LBP: variants seen among roughly 807,000 people sequenced by gnomAD.
LBP encodes lipopolysaccharide binding protein, also known as lipopolysaccharide-binding protein.
Under a neutral mutation model 56.6 loss-of-function variants are expected in LBP, and 53 were observed. The observed-to-expected ratio is 0.94, with a 90% CI of 0.75 to 1.18. LBP has a LOEUF of 1.18. Ranked by LOEUF, LBP falls within the 50% of genes most tolerant of loss-of-function variation. The pLI is 0.00. For missense variants in LBP, 601 were observed against 598.3 expected, an observed-to-expected ratio of 1.00 and a Z score of -0.05; for synonymous variants, 227 against 247.5, an observed-to-expected ratio of 0.92 and a Z score of 0.78.
rs186778434 is a variant in LBP, at chr20:38,353,785, C to T, written c.369-499C>T. Reference sequence around the variant, plus strand: ...GAATCTGATAGGCGAGAACTGGTGTCATTGTTATTTTCATTTTTAATGACT... The same window carrying T: ...GAATCTGATAGGCGAGAACTGGTGTTATTGTTATTTTCATTTTTAATGACT... On this transcript the variant is annotated intron_variant, in intron 3 of 14. Coordinates refer to ENST00000217407, the MANE Select transcript of LBP (RefSeq NM_004139.5). Among the ~76,000 whole-genome samples the T allele has an allele frequency of 2.0e-4, 31 of 152,184 alleles. 2 individuals carry two copies. The East Asian group carries it at 2.5e-3, about 12-fold the overall frequency.
intron 5 of LBP, among the ~76,000 whole-genome samples, chr20:38,356,436 A>ACG (rs2076840853): frequency 7.1e-6 from 1 of 140,988 alleles, no homozygotes; most frequent in Non-Finnish European, 1.5e-5. Context: ...ACACACACAC[A>ACG]CACACACACA....
At chr20:38,348,888 G>T (rs2076810809) in intron 1 of LBP, among the ~76,000 whole-genome samples, 1 of 152,000 alleles carries the variant, frequency 6.6e-6, no homozygotes, top group African/African-American at 2.4e-5. Context: ...CTGCCTCCCG[G>T]GTTCAAGTGA....
intron 3 of LBP, among the ~76,000 whole-genome samples, chr20:38,352,361 C>T (rs1474446168): frequency 6.6e-6 from 1 of 152,190 alleles, no homozygotes; most frequent in East Asian, 1.9e-4. Flanking sequence ...CCAGCCATGC[C>T]TTTACTGAGT....
intron 7 of LBP, 79 bp from the exon 8 acceptor site, chr20:38,364,497 G>T: frequency 7.3e-7 from 1 of 1,362,130 alleles, no homozygotes; most frequent in Non-Finnish European, 1.0e-6. Flanking sequence ...TCCCTTCATC[G>T]GACTGTGTAG....
chr20:38,374,757 T>C (rs927023194), intron 14 of LBP, among the ~76,000 whole-genome samples: 21 of 151,080 alleles, frequency 1.4e-4, no homozygotes, highest in African/African-American at 4.9e-4. Context: ...TGCCTCCCCA[T>C]TTAAACAAGT....
chr20:38,376,653 A>G lies in LBP; in HGVS notation c.1430A>G (p.Gln477Arg), dbSNP rs748723163. The change falls in exon 15 of 15, where the codon CAA becomes CGA. Residue 477 changes from glutamine to arginine, a missense_variant. Transcript: ENST00000217407. ...KDFLFLGANV[Q>R]YMRV ...TTCCTGTTCTTGGGTGCCAATGTCC[A>G]ATACATGAGAGTTTGAGGACAAGAA... 5 of 1,614,094 alleles carry G rather than the reference A, an allele frequency of 3.1e-6. No individual in the cohort carries two copies. The South Asian group carries it at 5.5e-5, about 18-fold the overall frequency.
At chr20:38,358,051 C>T (rs1158456155) in intron 5 of LBP, among the ~76,000 whole-genome samples, 1 of 152,156 alleles carries the variant, frequency 6.6e-6, no homozygotes, top group African/African-American at 2.4e-5. Context: ...CTTGTGATAC[C>T]AGTCCTGCTG....
rs1278184376 is a variant in LBP at position 38,376,641 on chromosome 20, G to A, written c.1418G>A (p.Gly473Asp). The A allele has an allele frequency of 1.2e-6, 2 of 1,614,014 alleles. No homozygotes were observed. The highest frequency in any genetic ancestry group is 2.2e-5 in the East Asian group (1 of 44,888). ...TTTTCCTAGGACTTCCTGTTCTTGG[G>A]TGCCAATGTCCAATACATGAGAGTT... ...LQIHKDFLFL[G>D]ANVQYMRV The change falls in exon 15 of 15, where the codon GGT (glycine) becomes GAT (aspartate). Residue 473 changes from glycine to aspartate, a missense_variant. Physicochemically the swap from Gly to Asp is moderately conservative, Grantham distance 94. Transcript: ENST00000217407.
At position 38,366,500 on chromosome 20, in the gene LBP, A is replaced by C. The variant is rs573535742; in HGVS notation, c.922-269A>C. On this transcript the variant is annotated intron_variant, in intron 8 of 14. Coordinates refer to ENST00000217407, the MANE Select transcript of LBP (RefSeq NM_004139.5). ...CCTGAGATCACAAAGTCAGGACACA[A>C]ACCGAAGTCTGTGTGACCGCAAACC... is the stretch of plus-strand genomic sequence containing the variant. Among the ~76,000 whole-genome samples the C allele has an allele frequency of 2.6e-5, 4 of 152,262 alleles. No individual in the cohort carries two copies. The East Asian group carries it at 7.7e-4, about 29-fold the overall frequency.
chr20:38,368,913 G>C, intron 9 of LBP, 82 bp from the exon 10 acceptor site: 1 of 1,414,078 alleles, frequency 7.1e-7, no homozygotes, highest in Non-Finnish European at 9.9e-7. Context: ...GCAACTTCCA[G>C]CTTTATCTGA....
At chr20:38,362,075 G>A (rs1014987395) in intron 6 of LBP, among the ~76,000 whole-genome samples, 3 of 22,830 alleles carry the variant, frequency 1.3e-4, no homozygotes, top group Non-Finnish European at 2.7e-4. Flanking sequence ...TTTTTTTTTT[G>A]TGAGACGGAG....
At chr20:38,361,673 G>A (rs1297023664) in intron 6 of LBP, among the ~76,000 whole-genome samples, 1 of 151,996 alleles carries the variant, frequency 6.6e-6, no homozygotes, top group Non-Finnish European at 1.5e-5. Context: ...CCAAAGTACT[G>A]GGATGACAGG....
In LBP at chr20:38,356,102, CT is replaced by C. The variant is rs142567294; in HGVS notation, c.588+694del. ...ACACACCACACCCCACACACACTCC[CT>C]CCCAGCACACACACACCACACACAC... On this transcript the variant is annotated intron_variant, in intron 5 of 14. Transcript: ENST00000217407. Among the ~76,000 whole-genome samples, 222 of 127,020 alleles carry C rather than the reference CT, an allele frequency of 1.7e-3. 4 individuals carry two copies. The highest frequency in any genetic ancestry group is 6.5e-3 in the African/African-American group (206 of 31,628). The allele number at this position is 127,020 out of a possible 152,430, so 83.3% of individuals were successfully genotyped here.
intron 12 of LBP, 142 bp from the exon 13 acceptor site, chr20:38,372,930 T>C: frequency 2.9e-6 from 2 of 690,298 alleles, no homozygotes; most frequent in East Asian, 2.7e-5. Flanking sequence ...CAAATGTTCA[T>C]CTCAAAAGAG....
rs566746432 is a variant in LBP, at chr20:38,362,336, G to C, written c.652+1569G>C. On this transcript the variant is annotated intron_variant, in intron 6 of 14. Transcript: ENST00000217407. Reference sequence around the variant, plus strand: ...GGCCTCCCAAAGTGCTGGGATTGCAGGCGTGAGAGCTCACGCCTGTAATCC... The same window carrying C: ...GGCCTCCCAAAGTGCTGGGATTGCACGCGTGAGAGCTCACGCCTGTAATCC... Among the ~76,000 whole-genome samples, 506 of 146,442 alleles carry C rather than the reference G, an allele frequency of 3.5e-3. 2 individuals are homozygous for C. The highest frequency in any genetic ancestry group is 0.012 in the African/African-American group (493 of 39,998).
At chr20:38,356,441 CACACACACACA>C (rs2076840968) in intron 5 of LBP, among the ~76,000 whole-genome samples, 4 of 149,030 alleles carry the variant, frequency 2.7e-5, no homozygotes, top group African/African-American at 5.0e-5. Flanking sequence ...CACACACACA[CACACACACACA>C]CACCCTCGTC....
chr20:38,349,516 C>T, intron 1 of LBP, 32 bp from the exon 2 acceptor site: 1 of 1,521,614 alleles, frequency 6.6e-7, no homozygotes, highest in South Asian at 1.2e-5. Context: ...GCAGGCAGAT[C>T]AAGCTGACTC....
chr20:38,348,242 G>A (rs2076807600), intron 1 of LBP, among the ~76,000 whole-genome samples: 1 of 152,056 alleles, frequency 6.6e-6, no homozygotes, highest in African/African-American at 2.4e-5. Flanking sequence ...TTTCTCTTTT[G>A]TTCCTTTGCA....
chr20:38,362,588 G>C (rs538523846), intron 6 of LBP, among the ~76,000 whole-genome samples: 26 of 151,236 alleles, frequency 1.7e-4, no homozygotes, highest in Non-Finnish European at 2.7e-4. Flanking sequence ...ACTCCAGCCT[G>C]GGCAACAGAA....
Sources: allele counts gnomAD v4.1 joint callset (sites outside exome capture counted in the v4.1 genomes callset), GRCh38; gene constraint gnomAD v4.1.1; transcripts MANE v1.5; gene names NCBI Gene and HGNC (gene_info 2026-07-23, HGNC 2026-07-21).